Variants in NSF observed in about 807,000 individuals in gnomAD.
The protein encoded by NSF is vesicle-fusing ATPase.
A neutral mutation model predicts 50.3 loss-of-function variants in NSF; 14 were observed. The observed-to-expected ratio is 0.28, with a 90% CI of 0.18 to 0.44. NSF has a LOEUF of 0.44. NSF is among the 20% of genes least tolerant of loss of function. The probability of loss-of-function intolerance (pLI) is 1.00; values close to 1 mark genes in which losing one functional copy is unlikely to be tolerated. For synonymous variants in NSF, 109 were observed against 175.7 expected (o/e 0.62, Z 3.00); for missense variants, 218 against 504.3 (o/e 0.43, Z 5.44).
chr17:46,751,341 T>C (rs544388083), intron 18 of NSF, among the ~76,000 whole-genome samples, 162 bp from the exon 19 acceptor site: 1 of 152,330 alleles, frequency 6.6e-6, no homozygotes, highest in African/African-American at 2.4e-5. Flanking sequence ...CTAATGGGTT[T>C]AGGATGGTGA....
Position 46,711,000 on chromosome 17 carries a change from T to C in NSF, c.1508T>C (p.Ile503Thr), listed in dbSNP as rs746810921. The C allele has an allele frequency of 6.3e-7, 1 of 1,597,852 alleles. No homozygotes were observed. Residue 503 changes from isoleucine (I) to threonine (T), a missense_variant, in exon 14 of 21, where the codon ATT becomes ACT. Ile to Thr is a moderately conservative substitution (Grantham distance 89). Coordinates refer to ENST00000398238, the MANE Select transcript of NSF (RefSeq NM_006178.4). The stretch of plus-strand genomic sequence containing the variant: ...AACCAAGAAGATTATGCAAGTTACA[T>C]TATGAACGGTATCATCAAATGGGGT... ...GTNQEDYASY[I>T]MNGIIKWGDP... is the part of the protein sequence containing the mutation.
chr17:46,719,125 G>T lies in NSF; in HGVS notation c.1761+5139G>T, dbSNP rs371783356. ...TTTTTGCCAGTTGGATAAGCAGAAG[G>T]TTGGCATTTAGTTATTTCTTTAGCT... On this transcript the variant is annotated intron_variant, in intron 15 of 20. Transcript: ENST00000398238. This position sits in a 1 kb window ranked among gnomAD's most constrained non-coding sequence, Gnocchi z 4.3. Among the ~76,000 whole-genome samples the T allele has an allele frequency of 3.0e-4, 45 of 152,300 alleles. No homozygotes were observed. The highest frequency in any genetic ancestry group is 1.1e-3 in the African/African-American group (45 of 41,560).
At chr17:46,717,764 C>T (rs773891236) in intron 15 of NSF, among the ~76,000 whole-genome samples, 16 of 152,108 alleles carry the variant, frequency 1.1e-4, no homozygotes, top group African/African-American at 2.9e-4. Flanking sequence ...GTGGCAGTGG[C>T]GGTGGCAGGG....
At chr17:46,687,286 A>G (rs1295975782) in intron 9 of NSF, among the ~76,000 whole-genome samples, 1 of 130,968 alleles carries the variant, frequency 7.6e-6, no homozygotes, top group Non-Finnish European at 1.6e-5. Context: ...AGACGTTCAG[A>G]TGTATCTTGC....
At chr17:46,721,796 G>A in intron 15 of NSF, 5 of 1,601,934 alleles carry the variant, frequency 3.1e-6, no homozygotes, top group Non-Finnish European at 4.3e-6. Flanking sequence ...ATCGTGCACA[G>A]CTGTCAGAGT....
chr17:46,744,795 T>C (rs1469196662), intron 17 of NSF, among the ~76,000 whole-genome samples: 1 of 152,310 alleles, frequency 6.6e-6, no homozygotes, highest in Non-Finnish European at 1.5e-5. Context: ...AAGTGTTTTT[T>C]TTGAAGGATC....
At chr17:46,633,314 GTTTTTTTGTTT>G (rs1370707078) in intron 4 of NSF, among the ~76,000 whole-genome samples, 1 of 95,700 alleles carries the variant, frequency 1.0e-5, no homozygotes, top group East Asian at 2.2e-4. Flanking sequence ...GTTGGTTTTT[GTTTTTTTGTTT>G]TTTTTTTGTT....
intron 15 of NSF, among the ~76,000 whole-genome samples, chr17:46,724,066 C>T (rs1178081181): frequency 1.3e-5 from 2 of 152,144 alleles, no homozygotes; most frequent in South Asian, 2.1e-4. Context: ...TCTTATTGAC[C>T]GTTCCTGCAG....
chr17:46,755,531 C>T (rs1422786624), intron 20 of NSF, 162 bp downstream of exon 20: 1 of 724,956 alleles, frequency 1.4e-6, no homozygotes, highest in East Asian at 2.7e-5. Context: ...GTTGGTTGTA[C>T]TGTTGGTTTG....
intron 14 of NSF, 89 bp from the exon 15 acceptor site, chr17:46,713,764 A>G (rs1271798177): frequency 2.4e-6 from 3 of 1,252,364 alleles, no homozygotes; most frequent in Non-Finnish European, 3.4e-6. Flanking sequence ...TCGAGACCTC[A>G]GTATGTTCTG....
At chr17:46,619,789 A>AC (rs995000878) in intron 1 of NSF, among the ~76,000 whole-genome samples, 2 of 87,826 alleles carry the variant, frequency 2.3e-5, no homozygotes, top group African/African-American at 4.7e-5. Context: ...AAAAAAAAAA[A>AC]AAAAAAACCC....
At chr17:46,747,164 A>G (rs1348205980) in intron 17 of NSF, among the ~76,000 whole-genome samples, 3 of 152,250 alleles carry the variant, frequency 2.0e-5, no homozygotes, top group Non-Finnish European at 4.4e-5. Context: ...TTAGCTATCC[A>G]GCAATCACCA....
rs2058805390 is a variant in NSF, at chr17:46,719,351, G to T, written c.1761+5365G>T. ...AGAGTTTTAGTAGAGAGGGCTGTTA[G>T]GCTTGCTTTAATGAGTACATGAGAT... On this transcript the variant is annotated intron_variant, in intron 15 of 20. Coordinates refer to ENST00000398238, the MANE Select transcript of NSF (RefSeq NM_006178.4). This position sits in a 1 kb window ranked among gnomAD's most constrained non-coding sequence, Gnocchi z 4.3. Among the ~76,000 whole-genome samples the T allele has an allele frequency of 6.6e-6, 1 of 152,132 alleles. No individual in the cohort carries two copies.
chr17:46,751,586 G>T lies in NSF; in HGVS notation c.2127G>T (p.Lys709Asn). The change falls in exon 19 of 21, where the codon AAG becomes AAT. Residue 709 changes from lysine to asparagine, a missense_variant. This residue lies in a region of NSF where 209 missense variants were observed against 320.9 expected (regional missense o/e 0.65). Coordinates refer to ENST00000398238, the MANE Select transcript of NSF (RefSeq NM_006178.4). ...KGKKVWIGIK[K>N]LLMLIEMSLQ... ...AGAAGGTCTGGATAGGAATCAAGAA[G>T]TTACTAATGCTGATCGAGATGTCCC... 4.3e-6 allele frequency: 7 copies of T among 1,613,716 alleles called. No homozygotes were observed. Among genetic ancestry groups the T allele is most frequent in the Non-Finnish European group, 5.9e-6 (7 of 1,179,682 alleles).
chr17:46,729,185 T>C (rs2058923565), intron 17 of NSF, among the ~76,000 whole-genome samples: 1 of 152,090 alleles, frequency 6.6e-6, no homozygotes, highest in African/African-American at 2.4e-5. Flanking sequence ...AGCATTGTAT[T>C]TTGTTGTTTT....
chr17:46,714,071 C>A, intron 15 of NSF, 85 bp downstream of exon 15: 1 of 1,329,968 alleles, frequency 7.5e-7, no homozygotes, highest in Non-Finnish European at 1.0e-6. Flanking sequence ...TACATGTATA[C>A]ATATAAACCC....
chr17:46,718,933 T>C (rs2058801160), intron 15 of NSF, among the ~76,000 whole-genome samples: 1 of 152,218 alleles, frequency 6.6e-6, no homozygotes, highest in African/African-American at 2.4e-5. Context: ...ATTAGTATTG[T>C]AAAGATTTTT....
chr17:46,679,087 C>T (rs1268905775), intron 9 of NSF, among the ~76,000 whole-genome samples: 1 of 151,958 alleles, frequency 6.6e-6, no homozygotes, highest in African/African-American at 2.4e-5. Context: ...TAGTGTTTAA[C>T]AACACATGCT....
intron 9 of NSF, among the ~76,000 whole-genome samples, chr17:46,690,580 C>G (rs1490446963): frequency 1.0e-5 from 1 of 99,438 alleles, no homozygotes. Flanking sequence ...CCACTGCACT[C>G]CAGCCTGGGC....
Sources: gnomAD v4.1 joint callset for allele counts (sites outside exome capture counted in the v4.1 genomes callset) on GRCh38, gnomAD v4.1.1 for gene constraint, gnomAD v4.1.1 regional missense constraint, Gnocchi (gnomAD v3.1) non-coding constraint, MANE v1.5 for transcripts, NCBI Gene and HGNC (gene_info 2026-07-23, HGNC 2026-07-21) for gene names.